GGN: variants seen among roughly 807,000 people sequenced by gnomAD.
The protein encoded by GGN is gametogenetin.
Under a neutral mutation model 35.5 loss-of-function variants are expected in GGN, and 27 were observed. The observed-to-expected ratio is 0.76, with a 90% CI of 0.56 to 1.05. GGN has a LOEUF of 1.05. GGN is among the 50% of genes least tolerant of loss of function. The pLI, the probability that GGN is intolerant of heterozygous loss-of-function variation, is 0.00. For missense variants in GGN, 1,006 were observed against 940.7 expected (o/e 1.07, Z -0.91); for synonymous variants, 425 against 444.1 (o/e 0.96, Z 0.54).
intron 3 of GGN, 130 bp from the exon 4 acceptor site, chr19:38,384,659 T>G: frequency 1.5e-6 from 1 of 681,670 alleles, no homozygotes; most frequent in South Asian, 1.8e-5. Context: ...AAAGGCAGTT[T>G]AGGGCAGGGC....
At position 38,385,683 on chromosome 19, in the gene GGN, T is replaced by C. The variant is rs1451375906; in HGVS notation, c.1579A>G (p.Arg527Gly). Residue 527 changes from arginine to glycine, a missense_variant, in exon 3 of 4, where the codon AGG (arginine) becomes GGG (glycine). By Grantham distance (125) the Arg-to-Gly change is moderately radical. Transcript: ENST00000334928. Reference protein sequence around the residue: ...AAAPIKTRTRRNKGSRAARGA... With the variant: ...AAAPIKTRTRGNKGSRAARGA... ...CGGGCTGCACGGGAACCCTTGTTCCTGCGCGTGCGGGTCTTGATGGGCGCA... is the reference window on the plus strand; with the variant it reads ...CGGGCTGCACGGGAACCCTTGTTCCCGCGCGTGCGGGTCTTGATGGGCGCA... 6.2e-7 allele frequency: 1 copy of C among 1,613,450 alleles called. No individual in the cohort carries two copies.
Position 38,384,521 on chromosome 19 carries a change from G to A in GGN, c.1850C>T (p.Thr617Ile). The A allele has an allele frequency of 1.2e-6, 2 of 1,613,706 alleles. No homozygotes were observed. Among genetic ancestry groups the A allele is most frequent in the Middle Eastern group, 1.7e-4 (1 of 5,892 alleles). The change falls in exon 4 of 4, where the codon ACA becomes ATA. Residue 617 changes from threonine (T) to isoleucine (I), a missense_variant. By Grantham distance (89) the Thr-to-Ile change is moderately conservative. Coordinates refer to ENST00000334928, the MANE Select transcript of GGN (RefSeq NM_152657.4). Reference sequence around the variant, plus strand: ...TGGCTCGCCCAGGTGGTTGGTGGATGTGCTCAGCCTAGTGGGGGAGGGTAG... The same window carrying A: ...TGGCTCGCCCAGGTGGTTGGTGGATATGCTCAGCCTAGTGGGGGAGGGTAG... Reference protein sequence around the residue: ...LPRNVSAWLSTSTNHLGEPPW... With the variant: ...LPRNVSAWLSISTNHLGEPPW...
At chr19:38,385,328 G>A (rs1227492788) in intron 3 of GGN, 93 bp downstream of exon 3, 38 of 1,532,792 alleles carry the variant, frequency 2.5e-5, no homozygotes, top group East Asian at 7.0e-5. Flanking sequence ...TGAAGGCCAC[G>A]GGTCATTCTA....
At chr19:38,384,639 G>A in intron 3 of GGN, 110 bp from the exon 4 acceptor site, 2 of 792,044 alleles carry the variant, frequency 2.5e-6, no homozygotes, top group Non-Finnish European at 4.2e-6. Flanking sequence ...AGGCTATATT[G>A]GAATATCCCA....
chr19:38,384,473 A>G lies in GGN; in HGVS notation c.1898T>C (p.Leu633Pro). 6.2e-7 allele frequency: 1 copy of G among 1,614,122 alleles called. No homozygotes were observed. Residue 633 changes from leucine to proline, a missense_variant, in exon 4 of 4, where the codon CTG becomes CCG. Coordinates refer to ENST00000334928, the MANE Select transcript of GGN (RefSeq NM_152657.4). ...GEPPWVATIK[L>P]SGSLVAKLEH... is the part of the protein sequence containing the mutation. ...CAGCTTGGCCACCAGAGAGCCGGACAGCTTGATGGTGGCAACCCAGGGTGG... is the reference window on the plus strand; with the variant it reads ...CAGCTTGGCCACCAGAGAGCCGGACGGCTTGATGGTGGCAACCCAGGGTGG...
rs374943988 is a variant in GGN, at chr19:38,386,832, G to A, written c.430C>T (p.Pro144Ser). 5 of 1,606,036 alleles carry A rather than the reference G, an allele frequency of 3.1e-6. No homozygotes were observed. Among genetic ancestry groups the A allele is most frequent in the Non-Finnish European group, 4.3e-6 (5 of 1,175,906 alleles). ...GDPPSLRPLK[P>S]PPPPRQLSVK... is the part of the protein sequence containing the mutation. ...GATAGTTGCCGGGGCGGCGGCGGCGGCTTCAGCGGGCGGAGGCTCGGAGGG... is the reference window on the plus strand; with the variant it reads ...GATAGTTGCCGGGGCGGCGGCGGCGACTTCAGCGGGCGGAGGCTCGGAGGG... The change falls in exon 3 of 4, where the codon CCG (proline) becomes TCG (serine). Residue 144 changes from proline (P) to serine (S), a missense_variant. Physicochemically the swap from Pro to Ser is moderately conservative, Grantham distance 74. Transcript: ENST00000334928.
chr19:38,384,840 TC>T (rs958341282), intron 3 of GGN, among the ~76,000 whole-genome samples: 1 of 152,014 alleles, frequency 6.6e-6, no homozygotes, highest in African/African-American at 2.4e-5. Flanking sequence ...GGATGCATTG[TC>T]CCCCTGGATG....
At position 38,386,712 on chromosome 19, in the gene GGN, C is replaced by T; in HGVS notation, c.550G>A (p.Ala184Thr). ...PPPLPSERQP[A>T]DRRITPALAT... ...AGAGCAGGAGTGATTCTGCGGTCCG[C>T]CGGCTGCCGTTCAGAAGGTAATGGT... The change falls in exon 3 of 4, where the codon GCG (alanine) becomes ACG (threonine). Residue 184 changes from alanine to threonine, a missense_variant. By Grantham distance (58) the Ala-to-Thr change is moderately conservative (BLOSUM62 0). Transcript: ENST00000334928. The T allele has an allele frequency of 6.2e-7, 1 of 1,606,282 alleles. No individual in the cohort carries two copies. The highest frequency in any genetic ancestry group is 1.1e-5 in the South Asian group (1 of 90,556).
rs185076989 is a variant in GGN, at chr19:38,387,114, A to G, written c.148T>C (p.Trp50Arg). ...AMRLTRGLGV[W>R]FPGSATPPGL... Reference sequence around the variant, plus strand: ...GGGGGTGTGGCGCTGCCAGGGAACCAGACACCCAGCCCACGAGTCAGGCGC... The same window carrying G: ...GGGGGTGTGGCGCTGCCAGGGAACCGGACACCCAGCCCACGAGTCAGGCGC... The change falls in exon 3 of 4, where the codon TGG becomes CGG. Residue 50 changes from tryptophan (W) to arginine (R), a missense_variant. Physicochemically the swap from Trp to Arg is moderately radical, Grantham distance 101 (BLOSUM62 -3). Coordinates refer to ENST00000334928, the MANE Select transcript of GGN (RefSeq NM_152657.4). The surrounding 1 kb of genome is among the most constrained non-coding windows in gnomAD (Gnocchi z 5.3). 676 of 1,562,022 alleles carry G rather than the reference A, an allele frequency of 4.3e-4. 7 individuals carry two copies. In the East Asian group the frequency reaches 0.012, roughly 29 times the overall value.
In GGN at chr19:38,386,122, C is replaced by G; in HGVS notation, c.1140G>C (p.Ala380=). The change falls in exon 3 of 4, where the codon GCG becomes GCC. Residue 380 remains alanine, a synonymous_variant. Transcript: ENST00000334928. The part of the protein sequence containing the change: ...GGGIGAPRRR[A]AALSGPWGSP... ...AGCCCCAAGGCCCAGAGAGTGCGGC[C>G]GCACGCCGTCGCGGCGCCCCGATGC... 1 of 1,580,262 alleles carries G rather than the reference C, an allele frequency of 6.3e-7. No homozygotes were observed. Among genetic ancestry groups the G allele is most frequent in the Non-Finnish European group, 8.6e-7 (1 of 1,167,438 alleles).
chr19:38,388,320 T>G, upstream of GGN: 9 of 376,068 alleles, frequency 2.4e-5, no homozygotes, highest in South Asian at 1.5e-4. Flanking sequence ...GCCTGCAGCA[T>G]CCAAACCTCC....
rs771957657 is a variant in GGN, at chr19:38,386,623, G to A, written c.639C>T (p.Ala213=). 36 of 1,612,664 alleles carry A rather than the reference G, an allele frequency of 2.2e-5. No individual in the cohort carries two copies. The East Asian group carries it at 6.0e-4, about 27-fold the overall frequency. Reference sequence around the variant, plus strand: ...GAGGCGCCCCTCCGCGAGCCCTGCCGGCCGTCTGGCCCTGGTTGCGGGGCC... The same window carrying A: ...GAGGCGCCCCTCCGCGAGCCCTGCCAGCCGTCTGGCCCTGGTTGCGGGGCC... ...QAGPRNQGQT[A]GRARGGAPPH... is the part of the protein sequence containing the mutation. The change falls in exon 3 of 4, where the codon GCC becomes GCT. Residue 213 remains alanine (A), a synonymous_variant. Transcript: ENST00000334928.
At position 38,385,432 on chromosome 19, in the gene GGN, G is replaced by A. The variant is rs1226306527; in HGVS notation, c.1830C>T (p.Asn610=). Residue 610 remains asparagine (N), a synonymous_variant, in exon 3 of 4, where the codon AAC becomes AAT. Coordinates refer to ENST00000334928, the MANE Select transcript of GGN (RefSeq NM_152657.4). Reference sequence around the variant, plus strand: ...TTCTCCCCTCTCACCAGGCAGAGACGTTGCGTGGCAGGCGGCGATGGCGTG... The same window carrying A: ...TTCTCCCCTCTCACCAGGCAGAGACATTGCGTGGCAGGCGGCGATGGCGTG... ...HQPRHRRLPR[N]VSAWLSTSTN... The A allele has an allele frequency of 1.9e-6, 3 of 1,614,000 alleles. No homozygotes were observed. Among genetic ancestry groups the A allele is most frequent in the African/African-American group, 1.3e-5 (1 of 75,062 alleles).
In GGN at chr19:38,385,604, G is replaced by C; in HGVS notation, c.1658C>G (p.Thr553Arg). ...LHGDGPRERA[T>R]ATVPDSSGGG... is the part of the protein sequence containing the mutation. Reference sequence around the variant, plus strand: ...ACCACTGCTGTCAGGCACGGTAGCTGTAGCTCGTTCGCGAGGACCATCTCC... The same window carrying C: ...ACCACTGCTGTCAGGCACGGTAGCTCTAGCTCGTTCGCGAGGACCATCTCC... The change falls in exon 3 of 4, where the codon ACA (threonine) becomes AGA (arginine). Residue 553 changes from threonine to arginine, a missense_variant. By Grantham distance (71) the Thr-to-Arg change is moderately conservative. Transcript: ENST00000334928. 6.2e-7 allele frequency: 1 copy of C among 1,614,156 alleles called. No individual in the cohort carries two copies. The highest frequency in any genetic ancestry group is 8.5e-7 in the Non-Finnish European group (1 of 1,180,020).
At chr19:38,388,180 A>C, upstream of GGN, 2 of 191,578 alleles carry the variant, frequency 1.0e-5, no homozygotes, top group African/African-American at 2.4e-5. Context: ...CCCCTAAGGC[A>C]ATTTACCTCT....
Position 38,386,112 on chromosome 19 carries a change from A to G in GGN, c.1150T>C (p.Ser384Pro). The G allele has an allele frequency of 1.3e-6, 2 of 1,584,482 alleles. No individual in the cohort carries two copies. Among genetic ancestry groups the G allele is most frequent in the Non-Finnish European group, 1.7e-6 (2 of 1,168,526 alleles). ...GGCGGAGGGGAGCCCCAAGGCCCAG[A>G]GAGTGCGGCCGCACGCCGTCGCGGC... The part of the protein sequence containing the change: ...GAPRRRAAAL[S>P]GPWGSPPPPP... Residue 384 changes from serine to proline, a missense_variant, in exon 3 of 4, where the codon TCT becomes CCT. Ser to Pro is a moderately conservative substitution (Grantham distance 74, BLOSUM62 -1). Coordinates refer to ENST00000334928, the MANE Select transcript of GGN (RefSeq NM_152657.4).
At position 38,385,553 on chromosome 19, in the gene GGN, G is replaced by A; in HGVS notation, c.1709C>T (p.Ser570Phe). 1 of 1,614,100 alleles carries A rather than the reference G, an allele frequency of 6.2e-7. No individual in the cohort carries two copies. Among genetic ancestry groups the A allele is most frequent in the Non-Finnish European group, 8.5e-7 (1 of 1,180,020 alleles). Residue 570 changes from serine (S) to phenylalanine (F), a missense_variant, in exon 3 of 4, where the codon TCT becomes TTT. Ser to Phe is a radical substitution (Grantham distance 155). Transcript: ENST00000334928. ...SGGGGGGSGA[S>F]QTGAANTRAA... is the part of the protein sequence containing the mutation. ...GCGGGTGTTAGCTGCCCCAGTCTGA[G>A]AGGCCCCGCTGCCACCACCCCCTCC...
At position 38,385,707 on chromosome 19, in the gene GGN, C is replaced by T. The variant is rs1970699605; in HGVS notation, c.1555G>A (p.Ala519Thr). 4.3e-6 allele frequency: 7 copies of T among 1,611,954 alleles called. No individual in the cohort carries two copies. The highest frequency in any genetic ancestry group is 5.9e-6 in the Non-Finnish European group (7 of 1,179,298). ...PPVSAPAPAA[A>T]PIKTRTRRNK... Reference sequence around the variant, plus strand: ...CTGCGCGTGCGGGTCTTGATGGGCGCAGCCGCGGGTGCGGGCGCGGACACA... The same window carrying T: ...CTGCGCGTGCGGGTCTTGATGGGCGTAGCCGCGGGTGCGGGCGCGGACACA... Residue 519 changes from alanine to threonine, a missense_variant, in exon 3 of 4, where the codon GCG becomes ACG. Ala to Thr is a moderately conservative substitution (Grantham distance 58). Transcript: ENST00000334928.
rs766333669 is a variant in GGN, at chr19:38,386,318, C to A, written c.944G>T (p.Gly315Val). Reference sequence around the variant, plus strand: ...AGAGCACCCTTCGCCGTCTCCATCACCTCCCTCGGCTTCCTGTGCCCCTCG... The same window carrying A: ...AGAGCACCCTTCGCCGTCTCCATCAACTCCCTCGGCTTCCTGTGCCCCTCG... ...VSRGAQEAEGGDGDGEGCSGP... is the reference protein window; with the variant it reads ...VSRGAQEAEGVDGDGEGCSGP... Residue 315 changes from glycine to valine, a missense_variant, in exon 3 of 4, where the codon GGT (glycine) becomes GTT (valine). Physicochemically the swap from Gly to Val is moderately radical, Grantham distance 109. Coordinates refer to ENST00000334928, the MANE Select transcript of GGN (RefSeq NM_152657.4). 1.9e-6 allele frequency: 3 copies of A among 1,611,708 alleles called. No homozygotes were observed. Among genetic ancestry groups the A allele is most frequent in the Non-Finnish European group, 2.5e-6 (3 of 1,179,062 alleles).
Sources: gnomAD v4.1 joint callset for allele counts (sites outside exome capture counted in the v4.1 genomes callset) on GRCh38, gnomAD v4.1.1 for gene constraint, Gnocchi (gnomAD v3.1) non-coding constraint, MANE v1.5 for transcripts, NCBI Gene and HGNC (gene_info 2026-07-23, HGNC 2026-07-21) for gene names.